The following NKAIN2 variants were observed in gnomAD, a reference collection of about 807,000 sequenced individuals.
The protein encoded by NKAIN2 is sodium/potassium transporting ATPase interacting 2.
In NKAIN2, 14 loss-of-function variants were observed where a neutral mutation model predicts 32.6. The observed-to-expected ratio is 0.43, with a 90% CI of 0.28 to 0.67. The LOEUF is 0.67. NKAIN2 is among the 30% of genes least tolerant of loss of function. The pLI is 0.17. For synonymous variants in NKAIN2, 80 were observed against 87.2 expected (o/e 0.92, Z 0.46); for missense variants, 198 against 258.3 (o/e 0.77, Z 1.60).
intron 1 of NKAIN2, among the ~76,000 whole-genome samples, chr6:123,849,948 G>GTT (rs1775247790): frequency 2.3e-5 from 1 of 43,952 alleles, no homozygotes; most frequent in African/African-American, 4.6e-5. Flanking sequence ...AACTCAGGCT[G>GTT]GTTTTTTTTT....
chr6:124,057,690 T>C (rs1782726000), intron 1 of NKAIN2, among the ~76,000 whole-genome samples: 1 of 151,830 alleles, frequency 6.6e-6, no homozygotes. Flanking sequence ...CACTGTTAAA[T>C]AAACACTTGT....
intron 2 of NKAIN2, among the ~76,000 whole-genome samples, chr6:124,315,613 G>A (rs887516717): frequency 2.0e-5 from 3 of 152,066 alleles, no homozygotes; most frequent in Non-Finnish European, 4.4e-5. Flanking sequence ...GAATAGAATT[G>A]GCAAAGGATT....
chr6:123,807,802 A>G (rs1389720124), intron 1 of NKAIN2, among the ~76,000 whole-genome samples: 1 of 152,070 alleles, frequency 6.6e-6, no homozygotes, highest in African/African-American at 2.4e-5. Context: ...TTAGATTTAC[A>G]CTCCACAGAA....
intron 1 of NKAIN2, among the ~76,000 whole-genome samples, chr6:124,166,108 G>C (rs1716624151): frequency 7.7e-6 from 1 of 129,530 alleles, no homozygotes. Flanking sequence ...TTCCACAATG[G>C]TTGAACTAGT....
At chr6:124,189,286 A>G (rs1227760401) in intron 1 of NKAIN2, among the ~76,000 whole-genome samples, 1 of 152,202 alleles carries the variant, frequency 6.6e-6, no homozygotes, top group Non-Finnish European at 1.5e-5. Flanking sequence ...AACCAGCACA[A>G]TTTAAAATAT....
intron 1 of NKAIN2, among the ~76,000 whole-genome samples, chr6:124,055,065 A>G (rs1353591079): frequency 6.6e-6 from 1 of 152,030 alleles, no homozygotes; most frequent in Non-Finnish European, 1.5e-5. Flanking sequence ...TGTATTTCAA[A>G]TACTATATCA....
intron 1 of NKAIN2, among the ~76,000 whole-genome samples, chr6:124,239,377 G>A (rs1302336134): frequency 6.6e-6 from 1 of 152,106 alleles, no homozygotes; most frequent in African/African-American, 2.4e-5. Flanking sequence ...GTTGAATTCA[G>A]TTCTGAACCA....
chr6:124,446,961 A>G (rs1361391397), intron 3 of NKAIN2, among the ~76,000 whole-genome samples: 2 of 152,128 alleles, frequency 1.3e-5, no homozygotes, highest in African/African-American at 4.8e-5. Flanking sequence ...ACATCCTACA[A>G]TGCACAGGAC....
intron 2 of NKAIN2, among the ~76,000 whole-genome samples, chr6:124,324,730 T>C (rs1452255086): frequency 6.6e-6 from 1 of 152,050 alleles, no homozygotes; most frequent in East Asian, 1.9e-4. Context: ...TTTATCACAT[T>C]GAGGAAATTC....
At chr6:124,243,672 A>G (rs1468710862) in intron 1 of NKAIN2, among the ~76,000 whole-genome samples, 2 of 151,990 alleles carry the variant, frequency 1.3e-5, no homozygotes, top group Non-Finnish European at 2.9e-5. Context: ...TGTGTGGAAA[A>G]CTGTATGATT....
At chr6:124,147,888 A>T (rs1175653620) in intron 1 of NKAIN2, among the ~76,000 whole-genome samples, 2 of 152,190 alleles carry the variant, frequency 1.3e-5, no homozygotes, top group Admixed American at 6.5e-5. Context: ...ATAAAGGGCC[A>T]GGACCATGGA....
At chr6:124,375,764 CAGAA>C (rs1364864980) in intron 3 of NKAIN2, among the ~76,000 whole-genome samples, 2 of 151,962 alleles carry the variant, frequency 1.3e-5, no homozygotes, top group Non-Finnish European at 2.9e-5. Flanking sequence ...TTACAGAACT[CAGAA>C]AGAAGGGGGA....
intron 2 of NKAIN2, among the ~76,000 whole-genome samples, chr6:124,318,324 T>A (rs1195103329): frequency 1.3e-5 from 2 of 152,010 alleles, no homozygotes; most frequent in Non-Finnish European, 2.9e-5. Flanking sequence ...GCTACTGATT[T>A]TTTTTTTAAA....
intron 3 of NKAIN2, among the ~76,000 whole-genome samples, chr6:124,384,408 T>C (rs989417425): frequency 2.0e-5 from 3 of 152,152 alleles, no homozygotes; most frequent in Non-Finnish European, 2.9e-5. Context: ...GATTACTCTA[T>C]ATCATCTTCA....
intron 1 of NKAIN2, among the ~76,000 whole-genome samples, chr6:124,044,203 G>A (rs2114816795): frequency 6.6e-6 from 1 of 152,110 alleles, no homozygotes; most frequent in East Asian, 1.9e-4. Context: ...TTATAAGATG[G>A]TCCAAGTATT....
At chr6:124,126,457 C>G (rs1265860166) in intron 1 of NKAIN2, among the ~76,000 whole-genome samples, 1 of 152,172 alleles carries the variant, frequency 6.6e-6, no homozygotes, top group Non-Finnish European at 1.5e-5. Context: ...AAAACTTTCA[C>G]AAACTTTCAT....
At chr6:124,484,950 A>G (rs543463406) in intron 3 of NKAIN2, among the ~76,000 whole-genome samples, 3 of 152,154 alleles carry the variant, frequency 2.0e-5, no homozygotes, top group Non-Finnish European at 4.4e-5. Flanking sequence ...CACATTGTGC[A>G]TAATAAAAAA....
intron 3 of NKAIN2, among the ~76,000 whole-genome samples, chr6:124,504,914 A>T (rs1778418179): frequency 6.6e-6 from 1 of 152,236 alleles, no homozygotes; most frequent in African/African-American, 2.4e-5. Flanking sequence ...AGATATTTGT[A>T]GTAGCAGCAG....
intron 1 of NKAIN2, among the ~76,000 whole-genome samples, chr6:123,922,233 G>A (rs188434430): frequency 6.6e-6 from 1 of 152,262 alleles, no homozygotes. Flanking sequence ...CTCAGCTATT[G>A]AGCATTATTT....
Sources: allele counts gnomAD v4.1 joint callset (sites outside exome capture counted in the v4.1 genomes callset), GRCh38; gene constraint gnomAD v4.1.1; transcripts MANE v1.5; gene names NCBI Gene and HGNC (gene_info 2026-07-23, HGNC 2026-07-21).